Variants in NXPE4 observed in about 807,000 individuals in gnomAD.
NXPE4 encodes the protein neurexophilin and PC-esterase domain family member 4.
In NXPE4, 42 loss-of-function variants were observed where a neutral mutation model predicts 33.3. The observed-to-expected ratio is 1.26, with a 90% CI of 0.98 to 1.63. The LOEUF is 1.63. Among genes scored for constraint, NXPE4 ranks in the 40% most tolerant of loss-of-function variants. The pLI is 0.00. For synonymous variants in NXPE4, 253 were observed against 234.9 expected, an observed-to-expected ratio of 1.08 and a Z score of -0.71; for missense variants, 709 against 647.6, an observed-to-expected ratio of 1.09 and a Z score of -1.03.
chr11:114,610,648 C>T, the NXPE4 span, among the ~76,000 whole-genome samples: 7 of 151,886 alleles, frequency 4.6e-5, no homozygotes, highest in African/African-American at 1.7e-4. Context: ...TGGGTAACCA[C>T]TGTTAACCGG....
At position 114,582,871 on chromosome 11, in the gene NXPE4, T is replaced by C; in HGVS notation, c.247A>G (p.Ile83Val). The C allele has an allele frequency of 6.2e-7, 1 of 1,614,198 alleles. No homozygotes were observed. The highest frequency in any genetic ancestry group is 1.1e-5 in the South Asian group (1 of 91,078). Residue 83 changes from isoleucine to valine, a missense_variant, in exon 3 of 6, where the codon ATC becomes GTC. Coordinates refer to ENST00000375478, the MANE Select transcript of NXPE4 (RefSeq NM_001077639.2). Reference protein sequence around the residue: ...KEIIEKLDQQIPPRPFTHVNT... With the variant: ...KEIIEKLDQQVPPRPFTHVNT... ...ACGTGGGTGAAAGGTCTGGGTGGGA[T>C]CTGCTGATCTAGTTTCTCTATGATT... is the stretch of plus-strand genomic sequence containing the variant.
chr11:114,598,772 C>A (rs1487565882), upstream of NXPE4, among the ~76,000 whole-genome samples: 1 of 152,110 alleles, frequency 6.6e-6, no homozygotes, highest in Non-Finnish European at 1.5e-5. Flanking sequence ...CCATTCTTCC[C>A]TTCTAGGCCT....
chr11:114,586,046 C>T (rs1949287958), intron 2 of NXPE4, among the ~76,000 whole-genome samples: 1 of 152,142 alleles, frequency 6.6e-6, no homozygotes, highest in Non-Finnish European at 1.5e-5. Context: ...CACACCGAGT[C>T]CTAACCAGTT....
At chr11:114,608,399 C>A in the NXPE4 span, among the ~76,000 whole-genome samples, 1 of 151,918 alleles carries the variant, frequency 6.6e-6, no homozygotes, top group Non-Finnish European at 1.5e-5. Context: ...TCATGGGTAA[C>A]CACTGTTACC....
rs1024668422 is a variant in NXPE4, at chr11:114,580,307, C to G, written c.924G>C (p.Lys308Asn). Residue 308 changes from lysine to asparagine, a missense_variant, in exon 5 of 6, where the codon AAG becomes AAC. Lys to Asn is a moderately conservative substitution (Grantham distance 94, BLOSUM62 0). Coordinates refer to ENST00000375478, the MANE Select transcript of NXPE4 (RefSeq NM_001077639.2). ...TGGGGATTGTGGATGTCATTCCAAA[C>G]TTGCATTTCTCTTTCATTGCAACTG... ...KETVAMKEKCKFGMTSTIPSG... is the reference protein window; with the variant it reads ...KETVAMKEKCNFGMTSTIPSG... The G allele has an allele frequency of 6.2e-7, 1 of 1,614,030 alleles. No homozygotes were observed. The highest frequency in any genetic ancestry group is 8.5e-7 in the Non-Finnish European group (1 of 1,179,932).
chr11:114,660,865 T>C, the NXPE4 span, among the ~76,000 whole-genome samples: 1 of 152,214 alleles, frequency 6.6e-6, no homozygotes, highest in Middle Eastern at 3.4e-3. Flanking sequence ...CTACATAAAA[T>C]CTACCAGAAC....
the NXPE4 span, among the ~76,000 whole-genome samples, chr11:114,613,074 A>G: frequency 1.3e-5 from 2 of 151,934 alleles, no homozygotes; most frequent in African/African-American, 4.8e-5. Context: ...AACCACTGTT[A>G]CCCGGTGGAT....
At chr11:114,617,051 G>A in the NXPE4 span, among the ~76,000 whole-genome samples, 1 of 151,042 alleles carries the variant, frequency 6.6e-6, no homozygotes, top group South Asian at 2.1e-4. Context: ...GTTACCCAGT[G>A]TAGTAAGTAT....
chr11:114,599,632 G>A (rs569029346), upstream of NXPE4, among the ~76,000 whole-genome samples: 100 of 152,300 alleles, frequency 6.6e-4, no homozygotes, highest in African/African-American at 2.3e-3. Flanking sequence ...GAAGGCCTCA[G>A]GGAGCTTTTA....
the NXPE4 span, among the ~76,000 whole-genome samples, chr11:114,652,738 A>G: frequency 7.0e-6 from 1 of 142,370 alleles, no homozygotes; most frequent in Admixed American, 7.3e-5. Context: ...GTGATAGAGC[A>G]CAGTCAAGAA....
chr11:114,626,479 G>A, the NXPE4 span, among the ~76,000 whole-genome samples: 7 of 152,074 alleles, frequency 4.6e-5, no homozygotes, highest in Non-Finnish European at 8.8e-5. Context: ...TCTGTTAGAA[G>A]GAAAACTAAC....
the NXPE4 span, among the ~76,000 whole-genome samples, chr11:114,620,425 G>C: frequency 6.6e-6 from 1 of 152,054 alleles, no homozygotes; most frequent in South Asian, 2.1e-4. Context: ...GTTGAGTCAT[G>C]GGTAACCACT....
chr11:114,613,077 C>T, the NXPE4 span, among the ~76,000 whole-genome samples: 65 of 151,690 alleles, frequency 4.3e-4, 1 homozygote, highest in African/African-American at 5.1e-4. Flanking sequence ...CACTGTTACC[C>T]GGTGGATAAT....
chr11:114,613,946 G>T, the NXPE4 span, among the ~76,000 whole-genome samples: 85 of 151,946 alleles, frequency 5.6e-4, 1 homozygote, highest in East Asian at 0.014. Flanking sequence ...TGCCTCTAGG[G>T]TAATCACTGT....
chr11:114,670,842 A>G, the NXPE4 span, among the ~76,000 whole-genome samples: 1 of 151,778 alleles, frequency 6.6e-6, no homozygotes, highest in Non-Finnish European at 1.5e-5. Context: ...ACAGGAGAGA[A>G]TGACTCACGA....
In NXPE4 at chr11:114,582,575, G is replaced by A. The variant is rs761620452; in HGVS notation, c.543C>T (p.Leu181=). The change falls in exon 3 of 6, where the codon CTC becomes CTT. Residue 181 remains leucine (L), a synonymous_variant. Coordinates refer to ENST00000375478, the MANE Select transcript of NXPE4 (RefSeq NM_001077639.2). The part of the protein sequence containing the change: ...WEGQVSLSLL[L]IHPSEGVSAL... ...CTGACACCCCTTCACTGGGGTGGAT[G>A]AGCAGCAGAGACAGAGAGACCTGGC... is the stretch of plus-strand genomic sequence containing the variant. 6.8e-6 allele frequency: 11 copies of A among 1,614,078 alleles called. No individual in the cohort carries two copies. The East Asian group carries it at 2.0e-4, about 29-fold the overall frequency.
the NXPE4 span, among the ~76,000 whole-genome samples, chr11:114,622,711 A>G: frequency 6.7e-6 from 1 of 150,254 alleles, no homozygotes; most frequent in Non-Finnish European, 1.5e-5. Context: ...TTCCCGGTGG[A>G]TAATACGTGT....
chr11:114,639,356 C>T, the NXPE4 span, among the ~76,000 whole-genome samples: 2 of 152,060 alleles, frequency 1.3e-5, no homozygotes, highest in Non-Finnish European at 2.9e-5. Context: ...CCCGATTTTC[C>T]AGGTGCCGTC....
At chr11:114,577,585 T>C (rs1565329715) in intron 5 of NXPE4, among the ~76,000 whole-genome samples, 1 of 152,116 alleles carries the variant, frequency 6.6e-6, no homozygotes, top group Admixed American at 6.6e-5. Context: ...GTTATGTAAA[T>C]GTGAAAGATT....
Sources: gnomAD v4.1 joint callset for allele counts (sites outside exome capture counted in the v4.1 genomes callset) on GRCh38, gnomAD v4.1.1 for gene constraint, MANE v1.5 for transcripts, NCBI Gene and HGNC (gene_info 2026-07-23, HGNC 2026-07-21) for gene names.